Variants in CDHR3 observed in about 807,000 individuals in gnomAD.
CDHR3 encodes cadherin related family member 3.
A neutral mutation model predicts 86.6 loss-of-function variants in CDHR3; 79 were observed. The ratio of observed to expected loss-of-function variants is 0.91; its 90% CI spans 0.76 to 1.10. The LOEUF (loss-of-function observed/expected upper bound fraction) is 1.10. CDHR3 is among the 50% of genes least tolerant of loss of function. The pLI, the probability that CDHR3 is intolerant of heterozygous loss-of-function variation, is 0.00. For synonymous variants in CDHR3, 421 were observed against 402.4 expected (o/e 1.05, Z -0.55); for missense variants, 1,081 against 1,077.6 (o/e 1.00, Z -0.04).
chr7:106,030,970 T>C lies in CDHR3; in HGVS notation c.2353+130T>C, dbSNP rs1838239848. ...CCGTTTGGCTATGTTGCCTATATAG[T>C]GCTGACTCTTCTAGGCTAAATACAA... On this transcript the variant is annotated intron_variant, in intron 18 of 18. Coordinates refer to ENST00000317716, the MANE Select transcript of CDHR3 (RefSeq NM_152750.5). The surrounding 1 kb of genome is among the most constrained non-coding windows in gnomAD (Gnocchi z 4.8). 1.2e-6 allele frequency: 1 copy of C among 840,084 alleles called. No individual in the cohort carries two copies. The highest frequency in any genetic ancestry group is 1.9e-6 in the Non-Finnish European group (1 of 520,162). The allele number at this position is 840,084 out of a possible 1,614,324, so 52.0% of individuals were successfully genotyped here.
intron 8 of CDHR3, among the ~76,000 whole-genome samples, chr7:106,005,601 G>T (rs1363536980): frequency 6.6e-6 from 1 of 152,170 alleles, no homozygotes; most frequent in Non-Finnish European, 1.5e-5. Context: ...GTCCCCATGG[G>T]GAGAGTCTCC....
intron 5 of CDHR3, among the ~76,000 whole-genome samples, chr7:105,995,798 A>T (rs192095819): frequency 4.6e-5 from 7 of 152,262 alleles, no homozygotes; most frequent in Non-Finnish European, 2.9e-5. Context: ...GCAGCCATCC[A>T]AGCAAAGGGG....
intron 15 of CDHR3, among the ~76,000 whole-genome samples, chr7:106,025,471 C>T (rs896630435): frequency 2.0e-5 from 3 of 152,112 alleles, no homozygotes; most frequent in African/African-American, 7.2e-5. Context: ...AGTACACTAC[C>T]CAGCCAGTTT....
chr7:105,966,787 G>T (rs1403429118), intron 1 of CDHR3, among the ~76,000 whole-genome samples: 2 of 152,040 alleles, frequency 1.3e-5, no homozygotes, highest in African/African-American at 4.8e-5. Context: ...ATCCACTTTC[G>T]CCTCCATGTA....
intron 4 of CDHR3, 40 bp downstream of exon 4, chr7:105,984,329 T>C (rs765391569): frequency 6.5e-7 from 1 of 1,529,834 alleles, no homozygotes; most frequent in South Asian, 1.2e-5. Flanking sequence ...TTTGTCCGTG[T>C]TGGGTTAGAC....
intron 2 of CDHR3, among the ~76,000 whole-genome samples, chr7:105,978,803 G>C (rs1046208902): frequency 2.0e-5 from 3 of 151,982 alleles, no homozygotes; most frequent in Admixed American, 1.3e-4. Flanking sequence ...ACCATTTTTT[G>C]ACTGTTCTAT....
chr7:106,000,517 C>G (rs913611005), intron 6 of CDHR3, among the ~76,000 whole-genome samples: 1 of 152,184 alleles, frequency 6.6e-6, no homozygotes, highest in East Asian at 1.9e-4. Context: ...CAAAGAAGAT[C>G]CCACATGGGA....
chr7:105,993,031 A>T (rs1831595456), intron 4 of CDHR3, among the ~76,000 whole-genome samples: 1 of 152,238 alleles, frequency 6.6e-6, no homozygotes, highest in Non-Finnish European at 1.5e-5. Context: ...CAGCGATCAT[A>T]ACACAGCAAA....
intron 4 of CDHR3, among the ~76,000 whole-genome samples, chr7:105,992,729 T>A (rs933043418): frequency 4.6e-5 from 7 of 152,182 alleles, no homozygotes; most frequent in Non-Finnish European, 1.0e-4. Context: ...GAACAGATAT[T>A]ATAATTTTGA....
chr7:106,016,646 G>A (rs2115858881), intron 11 of CDHR3, among the ~76,000 whole-genome samples: 1 of 152,212 alleles, frequency 6.6e-6, no homozygotes, highest in South Asian at 2.1e-4. Context: ...TTCATCTTTA[G>A]ATCATGGATA....
intron 6 of CDHR3, among the ~76,000 whole-genome samples, chr7:105,998,001 GGT>G (rs1355982774): frequency 5.9e-5 from 9 of 152,216 alleles, no homozygotes; most frequent in Admixed American, 2.6e-4. Flanking sequence ...TGAAGGTGAG[GGT>G]GTGTCTGCCA....
intron 2 of CDHR3, among the ~76,000 whole-genome samples, chr7:105,977,086 A>G (rs1189918313): frequency 6.6e-6 from 1 of 150,822 alleles, no homozygotes; most frequent in East Asian, 2.0e-4. Flanking sequence ...CCAGTAGCTG[A>G]GACTACAGGC....
intron 6 of CDHR3, among the ~76,000 whole-genome samples, chr7:106,000,940 G>T (rs547728807): frequency 1.3e-5 from 2 of 148,822 alleles, no homozygotes; most frequent in African/African-American, 4.9e-5. Flanking sequence ...AAAAAAGTGA[G>T]CAAACACATG....
chr7:105,996,951 T>C (rs546095421), intron 6 of CDHR3, among the ~76,000 whole-genome samples: 2 of 152,060 alleles, frequency 1.3e-5, no homozygotes, highest in South Asian at 2.1e-4. Context: ...AGGCACAAAA[T>C]GAAGATCTGA....
intron 4 of CDHR3, among the ~76,000 whole-genome samples, chr7:105,990,412 G>T (rs146630065): frequency 6.6e-5 from 10 of 152,176 alleles, no homozygotes; most frequent in South Asian, 2.1e-4. Context: ...CCTCCTCCAC[G>T]TCCCACCTCT....
intron 3 of CDHR3, among the ~76,000 whole-genome samples, chr7:105,983,431 A>G (rs1830063532): frequency 6.6e-6 from 1 of 152,208 alleles, no homozygotes; most frequent in Non-Finnish European, 1.5e-5. Context: ...AAAAGAATAA[A>G]TACAATACCT....
intron 13 of CDHR3, among the ~76,000 whole-genome samples, chr7:106,021,095 G>T (rs1011180480): frequency 6.6e-6 from 1 of 152,228 alleles, no homozygotes; most frequent in Admixed American, 6.5e-5. Flanking sequence ...GATTAAGTGC[G>T]TTTTGAAACG....
In CDHR3 at chr7:106,030,740, TG is replaced by T; in HGVS notation, c.2305-47del. ...GGTTGTGAGGATGTGTAGCTTTGCC[TG>T]GGGGAAGGAATGTAGGATTGTGTTT... On this transcript the variant is annotated intron_variant, in intron 17 of 18. Coordinates refer to ENST00000317716, the MANE Select transcript of CDHR3 (RefSeq NM_152750.5). This position sits in a 1 kb window ranked among gnomAD's most constrained non-coding sequence, Gnocchi z 4.8. 1.9e-6 allele frequency: 3 copies of T among 1,564,858 alleles called. No homozygotes were observed. The highest frequency in any genetic ancestry group is 2.6e-6 in the Non-Finnish European group (3 of 1,145,478).
chr7:106,020,661 C>T, intron 13 of CDHR3, 117 bp downstream of exon 13: 1 of 1,205,084 alleles, frequency 8.3e-7, no homozygotes, highest in East Asian at 2.4e-5. Flanking sequence ...GTTGGGAGGG[C>T]ATTATTTTTT....
Sources: gnomAD v4.1 joint callset for allele counts (sites outside exome capture counted in the v4.1 genomes callset) on GRCh38, gnomAD v4.1.1 for gene constraint, Gnocchi (gnomAD v3.1) non-coding constraint, MANE v1.5 for transcripts, NCBI Gene and HGNC (gene_info 2026-07-23, HGNC 2026-07-21) for gene names.